KIF21A: variants seen among roughly 807,000 people sequenced by gnomAD.
KIF21A encodes kinesin-like protein KIF21A.
In KIF21A, 114 loss-of-function variants were observed where a neutral mutation model predicts 202.9. The ratio of observed to expected loss-of-function variants is 0.56; its 90% CI spans 0.48 to 0.66. The LOEUF (loss-of-function observed/expected upper bound fraction) is 0.66, where lower values mean the gene tolerates loss of function less well. Ranked by LOEUF, KIF21A falls within the 30% of genes least tolerant of loss-of-function variation. The pLI, the probability that KIF21A is intolerant of heterozygous loss-of-function variation, is 0.00. For missense variants in KIF21A, 1,677 were observed against 1,994.9 expected (o/e 0.84, Z 3.04); for synonymous variants, 667 against 670.8 (o/e 0.99, Z 0.09).
chr12:39,367,791 T>G (rs1949697292), intron 4 of KIF21A, 92 bp downstream of exon 4: 2 of 981,054 alleles, frequency 2.0e-6, no homozygotes, highest in Admixed American at 3.9e-5. Flanking sequence ...AGGATATAAA[T>G]TTCATATCTT....
chr12:39,319,198 G>A (rs969009251), intron 28 of KIF21A, among the ~76,000 whole-genome samples: 3 of 151,980 alleles, frequency 2.0e-5, no homozygotes, highest in Non-Finnish European at 2.9e-5. Context: ...ATGTAAATTC[G>A]CATAAATGCT....
At chr12:39,436,600 C>T (rs1399753787) in intron 1 of KIF21A, among the ~76,000 whole-genome samples, 1 of 142,664 alleles carries the variant, frequency 7.0e-6, no homozygotes, top group Non-Finnish European at 1.5e-5. Flanking sequence ...TACAGACACA[C>T]ACCACAACGC....
intron 16 of KIF21A, among the ~76,000 whole-genome samples, chr12:39,337,873 A>G (rs1947116796): frequency 6.6e-6 from 1 of 152,192 alleles, no homozygotes; most frequent in Admixed American, 6.6e-5. Flanking sequence ...TGCTGGTATA[A>G]ACAACCCTAC....
chr12:39,307,343 T>C (rs1026099303), intron 34 of KIF21A, among the ~76,000 whole-genome samples: 1 of 152,146 alleles, frequency 6.6e-6, no homozygotes, highest in African/African-American at 2.4e-5. Flanking sequence ...TTCCCCCATA[T>C]ACTTATTTTC....
At chr12:39,381,235 G>T (rs1418504161) in intron 1 of KIF21A, among the ~76,000 whole-genome samples, 1 of 150,646 alleles carries the variant, frequency 6.6e-6, no homozygotes. Flanking sequence ...GTGAACCCAG[G>T]AGGCAGAGCT....
At chr12:39,424,140 C>T (rs987866812) in intron 1 of KIF21A, among the ~76,000 whole-genome samples, 2 of 148,858 alleles carry the variant, frequency 1.3e-5, no homozygotes, top group Non-Finnish European at 3.0e-5. Flanking sequence ...TCAAGCACTC[C>T]ACTAAAGCAG....
Position 39,443,112 on chromosome 12 carries a change from T to A in KIF21A, c.-142A>T. Reference sequence around the variant, plus strand: ...CACCTCCGCCGCGCTCCAGCCATGTTGGGCGACTGAATGGAAAGGTGGCGG... The same window carrying A: ...CACCTCCGCCGCGCTCCAGCCATGTAGGGCGACTGAATGGAAAGGTGGCGG... On this transcript the variant is annotated 5_prime_UTR_variant, in exon 1 of 38. Transcript: ENST00000361418. 1 of 803,110 alleles carries A rather than the reference T, an allele frequency of 1.2e-6. No homozygotes were observed. The highest frequency in any genetic ancestry group is 1.8e-6 in the Non-Finnish European group (1 of 558,726). 49.7% of individuals were successfully genotyped at this position (803,110 alleles called of 1,614,324 possible). A position where few individuals can be genotyped will look rare whatever the true frequency, so the allele number is the denominator to read the frequency against.
intron 1 of KIF21A, among the ~76,000 whole-genome samples, chr12:39,392,367 A>G (rs1592512007): frequency 6.6e-6 from 1 of 151,896 alleles, no homozygotes; most frequent in Non-Finnish European, 1.5e-5. Flanking sequence ...CATTCTCCCA[A>G]CCCCTGTTTG....
chr12:39,379,543 C>T (rs140885935), intron 1 of KIF21A, among the ~76,000 whole-genome samples: 70 of 152,280 alleles, frequency 4.6e-4, no homozygotes, highest in African/African-American at 1.6e-3. Flanking sequence ...CTTCCATCTT[C>T]AACTTACCCT....
chr12:39,420,908 A>G (rs1028387441), intron 1 of KIF21A, among the ~76,000 whole-genome samples: 12 of 152,160 alleles, frequency 7.9e-5, no homozygotes, highest in African/African-American at 2.9e-4. Context: ...GTTTGAAAGA[A>G]CAACTTTATG....
chr12:39,353,901 T>G (rs756071625), intron 10 of KIF21A, among the ~76,000 whole-genome samples: 1 of 152,046 alleles, frequency 6.6e-6, no homozygotes, highest in Non-Finnish European at 1.5e-5. Context: ...CCCACCCACT[T>G]GGTACTTCCT....
chr12:39,375,944 A>G (rs1478831491), intron 1 of KIF21A, among the ~76,000 whole-genome samples: 1 of 152,128 alleles, frequency 6.6e-6, no homozygotes, highest in African/African-American at 2.4e-5. Flanking sequence ...GAGAGCCTAC[A>G]TAGCTATAAA....
chr12:39,354,281 T>A (rs1948609966), intron 10 of KIF21A, among the ~76,000 whole-genome samples: 1 of 152,182 alleles, frequency 6.6e-6, no homozygotes, highest in African/African-American at 2.4e-5. Context: ...TAGAAACTTT[T>A]TAACATTGAA....
At chr12:39,403,434 A>C (rs188129012) in intron 1 of KIF21A, among the ~76,000 whole-genome samples, 1 of 152,222 alleles carries the variant, frequency 6.6e-6, no homozygotes, top group East Asian at 1.9e-4. Context: ...TACATATTTA[A>C]AAATGTACAC....
intron 1 of KIF21A, among the ~76,000 whole-genome samples, chr12:39,435,403 G>A (rs1938541890): frequency 6.6e-6 from 1 of 152,132 alleles, no homozygotes; most frequent in Non-Finnish European, 1.5e-5. Flanking sequence ...TATATGGCAG[G>A]TCTAAGACCC....
Position 39,322,828 on chromosome 12 carries a change from G to C in KIF21A, c.3511C>G (p.Leu1171Val), listed in dbSNP as rs1945426888. The C allele has an allele frequency of 5.0e-6, 8 of 1,611,990 alleles. No homozygotes were observed. Among genetic ancestry groups the C allele is most frequent in the Non-Finnish European group, 6.8e-6 (8 of 1,179,248 alleles). ...TCTCCTGTACTAGTGTCTGAAGCTA[G>C]TTCACTGCTATCTGCATACAGCAAT... ...MELLYADSSELASDTSTGDAS... is the reference protein window; with the variant it reads ...MELLYADSSEVASDTSTGDAS... Residue 1171 changes from leucine (L) to valine (V), a missense_variant, in exon 27 of 38, where the codon CTA becomes GTA. This residue lies in a region of KIF21A where 705 missense variants were observed against 791.9 expected (regional missense o/e 0.89). Transcript: ENST00000361418.
intron 1 of KIF21A, among the ~76,000 whole-genome samples, chr12:39,421,157 T>C (rs1317343438): frequency 6.6e-6 from 1 of 152,214 alleles, no homozygotes; most frequent in Admixed American, 6.5e-5. Context: ...ACCATTGTGT[T>C]ACAACTGCCT....
chr12:39,351,895 C>A lies in KIF21A; in HGVS notation c.1555G>T (p.Gly519Ter). The change falls in exon 11 of 38, where the codon GGA becomes TGA. Residue 519 changes from glycine (G) to a stop codon, truncating the protein, a stop_gained. Transcript: ENST00000361418. LOFTEE classifies it high-confidence loss of function. Reference sequence around the variant, plus strand: ...ATGGTAGGAGAAAAAGTTGATGATCCGCTGAAATATGGCGCTCTTGCTGTG... The same window carrying A: ...ATGGTAGGAGAAAAAGTTGATGATCAGCTGAAATATGGCGCTCTTGCTGTG... ...RATARAPYFS[G>*]SSTFSPTILS... 6.2e-7 allele frequency: 1 copy of A among 1,613,072 alleles called. No homozygotes were observed. The highest frequency in any genetic ancestry group is 8.5e-7 in the Non-Finnish European group (1 of 1,179,290).
chr12:39,425,722 T>C (rs1954689605), intron 1 of KIF21A, among the ~76,000 whole-genome samples: 1 of 152,048 alleles, frequency 6.6e-6, no homozygotes, highest in Non-Finnish European at 1.5e-5. Context: ...TTGAGGCATA[T>C]ATTATCAATA....
Sources: gnomAD v4.1 joint callset for allele counts (sites outside exome capture counted in the v4.1 genomes callset) on GRCh38, gnomAD v4.1.1 for gene constraint, gnomAD v4.1.1 regional missense constraint, MANE v1.5 for transcripts, NCBI Gene and HGNC (gene_info 2026-07-23, HGNC 2026-07-21) for gene names.